Variants in TMEM25 observed in about 807,000 individuals in gnomAD.
TMEM25 encodes the protein transmembrane protein 25.
TMEM25 carries 36 observed loss-of-function variants against 37.0 expected under a neutral mutation model. The observed-to-expected ratio is 0.97, with a 90% CI of 0.75 to 1.28. TMEM25 has a LOEUF of 1.28. Ranked by LOEUF, TMEM25 falls within the 50% of genes most tolerant of loss-of-function variation. The pLI, the probability that TMEM25 is intolerant of heterozygous loss-of-function variation, is 0.00. For synonymous variants in TMEM25, 197 were observed against 203.7 expected (o/e 0.97, Z 0.28); for missense variants, 444 against 477.9 (o/e 0.93, Z 0.66).
At position 118,535,399 on chromosome 11, in the gene TMEM25, AG is replaced by A; in HGVS notation, c.*824del. The A allele has an allele frequency of 7.0e-7, 1 of 1,429,460 alleles. No homozygotes were observed. Among genetic ancestry groups the A allele is most frequent in the Non-Finnish European group, 9.1e-7 (1 of 1,094,388 alleles). The allele number at this position is 1,429,460 out of a possible 1,614,324, so 88.5% of individuals were successfully genotyped here. A position where few individuals can be genotyped will look rare whatever the true frequency, so the allele number is the denominator to read the frequency against. On this transcript the variant is annotated 3_prime_UTR_variant, in exon 9 of 9. Coordinates refer to ENST00000313236, the MANE Select transcript of TMEM25 (RefSeq NM_032780.4). ...GCACTTTAAGCACATCCCCTAGGGGAGGGGGTGAGTGAGGGGCCCAGAGCCC... is the reference window on the plus strand; with the variant it reads ...GCACTTTAAGCACATCCCCTAGGGGAGGGGTGAGTGAGGGGCCCAGAGCCC...
rs1432488438 is a variant in TMEM25, at chr11:118,531,889, C to G, written c.70+18C>G. The stretch of plus-strand genomic sequence containing the variant: ...GAGCTCAGGTACACCCCTGTTCAGT[C>G]GTTGACCAAGTCCTTCTGGGTTCCA... On this transcript the variant is annotated intron_variant, in intron 2 of 8. Transcript: ENST00000313236. 6.4e-7 allele frequency: 1 copy of G among 1,551,222 alleles called. No homozygotes were observed. Among genetic ancestry groups the G allele is most frequent in the African/African-American group, 1.4e-5 (1 of 73,004 alleles).
At chr11:118,535,835 A>T, downstream of TMEM25, 1 of 1,208,234 alleles carries the variant, frequency 8.3e-7, no homozygotes, top group Middle Eastern at 3.2e-4. Context: ...ATTCATTTAC[A>T]TATCTCTGCT....
rs1041968626 is a variant in TMEM25 at position 118,535,637 on chromosome 11, T to C, written c.*1057T>C. On this transcript the variant is annotated 3_prime_UTR_variant, in exon 9 of 9. Coordinates refer to ENST00000313236, the MANE Select transcript of TMEM25 (RefSeq NM_032780.4). Reference sequence around the variant, plus strand: ...ACAGTGTGGAAGCTTTAGGGGAACATGGAGAAAGAAGGAGACCACATACCC... The same window carrying C: ...ACAGTGTGGAAGCTTTAGGGGAACACGGAGAAAGAAGGAGACCACATACCC... 2.4e-5 allele frequency: 37 copies of C among 1,524,910 alleles called. No individual in the cohort carries two copies. Among genetic ancestry groups the C allele is most frequent in the Admixed American group, 1.2e-4 (6 of 50,286 alleles). 94.5% of individuals were successfully genotyped at this position (1,524,910 alleles called of 1,614,324 possible).
In TMEM25 at chr11:118,534,447, C is replaced by T. The variant is rs1951445045; in HGVS notation, c.1028-60C>T. The T allele has an allele frequency of 1.9e-6, 3 of 1,611,228 alleles. No homozygotes were observed. The highest frequency in any genetic ancestry group is 1.7e-6 in the Non-Finnish European group (2 of 1,178,538). On this transcript the variant is annotated intron_variant, in intron 8 of 8. Transcript: ENST00000313236. The surrounding 1 kb of genome is among the most constrained non-coding windows in gnomAD (Gnocchi z 4.6). The stretch of plus-strand genomic sequence containing the variant: ...CCAAGTGCCCAGGAGGCAGAGAGAG[C>T]TCTCCAAATTCCAAGGAACAAGCGT...
rs1951431516 is a variant in TMEM25, at chr11:118,534,190, G to A, written c.937+61G>A. 5 of 1,613,400 alleles carry A rather than the reference G, an allele frequency of 3.1e-6. No individual in the cohort carries two copies. In the African/African-American group the frequency reaches 5.3e-5, roughly 17 times the overall value. The stretch of plus-strand genomic sequence containing the variant: ...TCTCCAGAAGTGCTTCTGAGAAAAA[G>A]AACTTGGTGCTTGGGAGGGGCGAGG... On this transcript the variant is annotated intron_variant, in intron 7 of 8. Coordinates refer to ENST00000313236, the MANE Select transcript of TMEM25 (RefSeq NM_032780.4). The surrounding 1 kb of genome is among the most constrained non-coding windows in gnomAD (Gnocchi z 4.6).
chr11:118,541,474 A>AG lies in TMEM25; in HGVS notation c.1028-4645_1028-4644insG, dbSNP rs1555065349. 1.4e-3 allele frequency among the ~76,000 whole-genome samples: 199 copies of AG among 142,126 alleles called. 7 individuals are homozygous for AG. In the East Asian group the frequency reaches 0.037, roughly 26 times the overall value. 93.2% of individuals were successfully genotyped at this position (142,126 alleles called of 152,430 possible). ...GAGACCCTGTCTCAAAAAAAAAAAA[A>AG]AAAAAGAAAAAGAAACTTCACCTAA... On this transcript the variant is annotated intron_variant, in intron 8 of 8. Coordinates refer to the TMEM25 transcript ENST00000354284.
rs782152941 is a variant in TMEM25 at position 118,533,464 on chromosome 11, G to T, written c.718G>T (p.Val240Leu). 3.7e-6 allele frequency: 6 copies of T among 1,614,188 alleles called. No homozygotes were observed. The Admixed American group carries it at 1.0e-4, about 27-fold the overall frequency. ...GGAAGTGCCACTGCTGGGCATTGTT[G>T]TGGCTGCTGGGCTTGCACTGGGCAC... ...RVEVPLLGIV[V>L]AAGLALGTLV... The change falls in exon 5 of 9, where the codon GTG becomes TTG. Residue 240 changes from valine to leucine, a missense_variant. Val to Leu is a conservative substitution (Grantham distance 32). Transcript: ENST00000313236.
rs1951485075 is a variant in TMEM25 at position 118,535,406 on chromosome 11, G to A, written c.*826G>A. The A allele has an allele frequency of 7.0e-7, 1 of 1,436,354 alleles. No homozygotes were observed. Among genetic ancestry groups the A allele is most frequent in the Non-Finnish European group, 9.1e-7 (1 of 1,097,826 alleles). 89.0% of individuals were successfully genotyped at this position (1,436,354 alleles called of 1,614,324 possible). ...AAGCACATCCCCTAGGGGAGGGGGT[G>A]AGTGAGGGGCCCAGAGCCCTCTTTG... On this transcript the variant is annotated 3_prime_UTR_variant, in exon 9 of 9. Coordinates refer to ENST00000313236, the MANE Select transcript of TMEM25 (RefSeq NM_032780.4).
intron 3 of TMEM25, 121 bp downstream of exon 3, chr11:118,532,582 A>T: frequency 8.7e-7 from 1 of 1,149,904 alleles, no homozygotes; most frequent in Non-Finnish European, 1.2e-6. Context: ...ATATGAACTC[A>T]TTTGATCCTC....
chr11:118,538,267 G>A (rs1555064251), downstream of TMEM25, among the ~76,000 whole-genome samples: 1 of 151,876 alleles, frequency 6.6e-6, no homozygotes, highest in Non-Finnish European at 1.5e-5. Context: ...TACCTCCCAG[G>A]TTCAAGCAAT....
downstream of TMEM25, among the ~76,000 whole-genome samples, chr11:118,540,023 A>C (rs1555064931): frequency 9.4e-6 from 1 of 106,646 alleles, no homozygotes. Context: ...TCCGTCTCAA[A>C]AAAAAAAAAA....
rs781953767 is a variant in TMEM25 at position 118,534,006 on chromosome 11, C to T, written c.837-23C>T. 6.2e-7 allele frequency: 1 copy of T among 1,613,962 alleles called. No homozygotes were observed. Among genetic ancestry groups the T allele is most frequent in the East Asian group, 2.2e-5 (1 of 44,864 alleles). On this transcript the variant is annotated intron_variant, in intron 6 of 8. Transcript: ENST00000313236. The surrounding 1 kb of genome is among the most constrained non-coding windows in gnomAD (Gnocchi z 4.6). ...TGCCTGTGCCGGGACTCATATCCATCCCGAACTTTGTCCTCCCTGTAGTGA... is the reference window on the plus strand; with the variant it reads ...TGCCTGTGCCGGGACTCATATCCATTCCGAACTTTGTCCTCCCTGTAGTGA...
intron 8 of TMEM25, among the ~76,000 whole-genome samples, chr11:118,541,548 A>G (rs1555065387): frequency 6.6e-6 from 1 of 152,074 alleles, no homozygotes; most frequent in Non-Finnish European, 1.5e-5. Context: ...AACAATACCT[A>G]AAACTGGGTC....
At chr11:118,545,482 A>T in intron 8 of TMEM25, 1 of 1,612,060 alleles carries the variant, frequency 6.2e-7, no homozygotes, top group Non-Finnish European at 8.5e-7. Flanking sequence ...GTAGACAGGG[A>T]TGTCTAGAAT....
chr11:118,535,225 C>A lies in TMEM25; in HGVS notation c.*645C>A. On this transcript the variant is annotated 3_prime_UTR_variant, in exon 9 of 9. Transcript: ENST00000313236. ...TGGGAATTCTAGGTTACACGTTGGACCTTCTCTACTACTTCACTGGGCACT... is the reference window on the plus strand; with the variant it reads ...TGGGAATTCTAGGTTACACGTTGGAACTTCTCTACTACTTCACTGGGCACT... 1 of 1,123,694 alleles carries A rather than the reference C, an allele frequency of 8.9e-7. No individual in the cohort carries two copies. The highest frequency in any genetic ancestry group is 1.1e-6 in the Non-Finnish European group (1 of 918,732). 69.6% of individuals were successfully genotyped at this position (1,123,694 alleles called of 1,614,324 possible).
chr11:118,536,844 ATATC>A (rs1299875526), downstream of TMEM25, among the ~76,000 whole-genome samples: 2 of 152,156 alleles, frequency 1.3e-5, no homozygotes, highest in Non-Finnish European at 2.9e-5. Flanking sequence ...ATTTTGTAAC[ATATC>A]TATGTATGTA....
rs141612590 is a variant in TMEM25, at chr11:118,533,346, G to T, written c.674-74G>T. On this transcript the variant is annotated intron_variant, in intron 4 of 8. Transcript: ENST00000313236. Reference sequence around the variant, plus strand: ...TCCCCAGCCACCCTGGGCAAGGAGGGCAGAGTAGTACCTATGGCATGTTGG... The same window carrying T: ...TCCCCAGCCACCCTGGGCAAGGAGGTCAGAGTAGTACCTATGGCATGTTGG... 8.4e-4 allele frequency: 1,345 copies of T among 1,598,686 alleles called. 20 individuals carry two copies. In the East Asian group the frequency reaches 0.018, roughly 21 times the overall value.
chr11:118,532,508 A>G (rs1463384936), intron 3 of TMEM25, 47 bp downstream of exon 3: 1 of 1,549,890 alleles, frequency 6.5e-7, no homozygotes, highest in African/African-American at 1.4e-5. Context: ...TTGCCCAGGG[A>G]CCCCCAGCAC....
At chr11:118,546,341 A>T (rs1281673306) in exon 9 of TMEM25, 4 of 579,722 alleles carry the variant, frequency 6.9e-6, no homozygotes, top group Non-Finnish European at 1.3e-5. Flanking sequence ...CTACAAAAAA[A>T]TTAGCCGGGT....
Sources: allele counts gnomAD v4.1 joint callset (sites outside exome capture counted in the v4.1 genomes callset), GRCh38; gene constraint gnomAD v4.1.1; non-coding constraint Gnocchi (gnomAD v3.1); transcripts MANE v1.5; gene names NCBI Gene and HGNC (gene_info 2026-07-23, HGNC 2026-07-21).